The following GSTZ1 variants were observed in gnomAD, a reference collection of about 807,000 sequenced individuals.
The protein encoded by GSTZ1 is glutathione S-transferase zeta 1, also known as maleylacetoacetate isomerase.
A neutral mutation model predicts 35.9 loss-of-function variants in GSTZ1; 34 were observed. That is an observed-to-expected ratio of 0.95 (90% CI 0.72 to 1.26). GSTZ1 has a LOEUF of 1.26. Among genes scored for constraint, GSTZ1 ranks in the 50% most tolerant of loss-of-function variants. The pLI is 0.00. For synonymous variants in GSTZ1, 93 were observed against 101.2 expected (o/e 0.92, Z 0.49); for missense variants, 263 against 271.7 (o/e 0.97, Z 0.23).
rs763877231 is a variant in GSTZ1, at chr14:77,328,023, A to G, written c.328A>G (p.Ile110Val). ...RMISDLIAGG[I>V]QPLQNLSVLK... ...GATTTCTGACCTCATCGCTGGTGGC[A>G]TCCAGCCCCTGCAGGTGTGGCACTT... The change falls in exon 5 of 9, where the codon ATC (isoleucine) becomes GTC (valine). Residue 110 changes from isoleucine to valine, a missense_variant. Coordinates refer to ENST00000216465, the MANE Select transcript of GSTZ1 (RefSeq NM_145870.3). 7 of 1,613,824 alleles carry G rather than the reference A, an allele frequency of 4.3e-6. No individual in the cohort carries two copies. The highest frequency in any genetic ancestry group is 1.3e-5 in the African/African-American group (1 of 74,904).
intron 1 of GSTZ1, 117 bp from the exon 2 acceptor site, chr14:77,324,753 C>A: frequency 8.4e-7 from 1 of 1,197,066 alleles, no homozygotes; most frequent in Non-Finnish European, 1.2e-6. Context: ...CCCTGATTTG[C>A]ACAGATGCAG....
chr14:77,330,951 T>G (rs1364238485), intron 8 of GSTZ1, 118 bp from the exon 9 acceptor site: 3 of 931,134 alleles, frequency 3.2e-6, no homozygotes, highest in South Asian at 1.6e-5. Flanking sequence ...CCCATCGTCC[T>G]TCCCTGGACA....
At chr14:77,329,253 C>A in intron 6 of GSTZ1, 52 bp downstream of exon 6, 1 of 1,167,000 alleles carries the variant, frequency 8.6e-7, no homozygotes, top group Non-Finnish European at 1.3e-6. Context: ...AGAGGTATGG[C>A]CCTCGCACAC....
At position 77,321,043 on chromosome 14, in the gene GSTZ1, A is replaced by G. The variant is rs1476045029; in HGVS notation, c.-126A>G. 5 of 1,065,448 alleles carry G rather than the reference A, an allele frequency of 4.7e-6. No homozygotes were observed. The highest frequency in any genetic ancestry group is 6.6e-6 in the Non-Finnish European group (5 of 760,922). 66.0% of individuals were successfully genotyped at this position (1,065,448 alleles called of 1,614,324 possible). On this transcript the variant is annotated 5_prime_UTR_variant, in exon 1 of 9. Transcript: ENST00000216465. ...GCGACCGGAAGGATCTTTCTAGTCC[A>G]GCCCCTCGCTTTACCCGGACGAAAG... is the stretch of plus-strand genomic sequence containing the variant.
rs3087524 is a variant in GSTZ1, at chr14:77,321,146, G to A, written c.-23G>A. Reference sequence around the variant, plus strand: ...AGGCGCGAAGTTTCTCGGCCTGGAGGAGGGGGTCGCGCGAAGTGCCAGATG... The same window carrying A: ...AGGCGCGAAGTTTCTCGGCCTGGAGAAGGGGGTCGCGCGAAGTGCCAGATG... On this transcript the variant is annotated 5_prime_UTR_variant, in exon 1 of 9. Transcript: ENST00000216465. 1,171 of 1,454,268 alleles carry A rather than the reference G, an allele frequency of 8.1e-4. No individual in the cohort carries two copies. Among genetic ancestry groups the A allele is most frequent in the Middle Eastern group, 3.2e-3 (15 of 4,694 alleles). 90.1% of individuals were successfully genotyped at this position (1,454,268 alleles called of 1,614,324 possible). A position where few individuals can be genotyped will look rare whatever the true frequency, so the allele number is the denominator to read the frequency against.
intron 1 of GSTZ1, chr14:77,322,451 T>C: frequency 4.0e-6 from 1 of 248,594 alleles, no homozygotes; most frequent in Non-Finnish European, 6.4e-6. Context: ...TGGTCACTCG[T>C]AGTACAGATC....
At chr14:77,321,347 G>T in intron 1 of GSTZ1, 164 bp downstream of exon 1, 1 of 1,533,154 alleles carries the variant, frequency 6.5e-7, no homozygotes. Context: ...CGCGCTGCCC[G>T]CTGGGGCTCG....
chr14:77,325,655 C>T (rs909138378), intron 2 of GSTZ1: 4 of 152,034 alleles, frequency 2.6e-5, no homozygotes, highest in African/African-American at 9.7e-5. Context: ...AGTTACTTGC[C>T]CAGGGCCACA....
Position 77,328,282 on chromosome 14 carries a change from G to A in GSTZ1, c.342+245G>A, listed in dbSNP as rs994794031. 1.7e-5 allele frequency: 9 copies of A among 515,004 alleles called. No homozygotes were observed. The Admixed American group carries it at 2.7e-4, about 15-fold the overall frequency. The allele number at this position is 515,004 out of a possible 1,614,324, so 31.9% of individuals were successfully genotyped here. On this transcript the variant is annotated intron_variant, in intron 5 of 8. Transcript: ENST00000216465. ...CAAGGACGCATGTACAGGTGCTTGG[G>A]GTGGGGAAAGGGCCAGAATGGCAGG... is the stretch of plus-strand genomic sequence containing the variant.
rs2139568651 is a variant in GSTZ1 at position 77,324,853 on chromosome 14, A to G, written c.16-17A>G. On this transcript the variant is annotated splice_polypyrimidine_tract_variant and intron_variant, in intron 1 of 8. Coordinates refer to ENST00000216465, the MANE Select transcript of GSTZ1 (RefSeq NM_145870.3). Reference sequence around the variant, plus strand: ...CCAGCATGGGTTAACACGCGCCTTCATCCTCTCTCTCCTCAGCCCATCCTC... The same window carrying G: ...CCAGCATGGGTTAACACGCGCCTTCGTCCTCTCTCTCCTCAGCCCATCCTC... 1 of 1,613,642 alleles carries G rather than the reference A, an allele frequency of 6.2e-7. No individual in the cohort carries two copies. Among genetic ancestry groups the G allele is most frequent in the Non-Finnish European group, 8.5e-7 (1 of 1,179,544 alleles).
chr14:77,321,360 G>A (rs999819116), intron 1 of GSTZ1, 177 bp downstream of exon 1: 98 of 1,532,156 alleles, frequency 6.4e-5, no homozygotes, highest in Non-Finnish European at 8.0e-5. Flanking sequence ...GGGGCTCGAA[G>A]TTCCGGGAGG....
At chr14:77,324,419 T>A in intron 1 of GSTZ1, 1 of 639,162 alleles carries the variant, frequency 1.6e-6, no homozygotes, top group Admixed American at 2.3e-5. Flanking sequence ...GTGCTGGGAT[T>A]ACAGGCGTGA....
At chr14:77,323,412 T>A (rs779061864) in intron 1 of GSTZ1, 4 of 152,178 alleles carry the variant, frequency 2.6e-5, no homozygotes, top group Non-Finnish European at 5.9e-5. Flanking sequence ...AGTGACACGA[T>A]CTTGGCTCAC....
At chr14:77,321,599 C>T (rs987335175) in intron 1 of GSTZ1, 11 of 1,119,202 alleles carry the variant, frequency 9.8e-6, no homozygotes, top group Non-Finnish European at 1.1e-5. Flanking sequence ...TTAAGAGTCC[C>T]CGGGCCGGGC....
chr14:77,329,806 A>C lies in GSTZ1; in HGVS notation c.473A>C (p.Glu158Ala), dbSNP rs768072763. 1.2e-6 allele frequency: 2 copies of C among 1,612,550 alleles called. No individual in the cohort carries two copies. The highest frequency in any genetic ancestry group is 1.7e-6 in the Non-Finnish European group (2 of 1,178,698). The change falls in exon 7 of 9, where the codon GAG becomes GCG. Residue 158 changes from glutamate (E) to alanine (A), a missense_variant and splice_region_variant. Glu to Ala is a moderately radical substitution (Grantham distance 107). Transcript: ENST00000216465. ...GCGGGCATATACTGTGTAGGAGACG[A>C]GGTAAGCTGTCCCCAGACCTCCCCA... ...STAGIYCVGD[E>A]VTMADLCLVP... is the part of the protein sequence containing the mutation.
chr14:77,329,441 C>T, intron 6 of GSTZ1: 2 of 597,172 alleles, frequency 3.3e-6, no homozygotes, highest in South Asian at 2.0e-5. Context: ...CCAACTTCAG[C>T]TTCACTGCCT....
intron 1 of GSTZ1, 191 bp from the exon 2 acceptor site, chr14:77,324,679 G>T: frequency 7.6e-7 from 1 of 1,311,168 alleles, no homozygotes. Flanking sequence ...GACCTCAGGA[G>T]CTCAAACCAG....
At chr14:77,330,448 G>C (rs577834389) in intron 8 of GSTZ1, 89 bp downstream of exon 8, 2 of 1,087,418 alleles carry the variant, frequency 1.8e-6, no homozygotes, top group African/African-American at 3.1e-5. Context: ...TCATGCAGAC[G>C]CTTCGCCAAC....
chr14:77,324,852 C>A lies in GSTZ1; in HGVS notation c.16-18C>A, dbSNP rs1892231716. The A allele has an allele frequency of 6.2e-7, 1 of 1,613,394 alleles. No homozygotes were observed. Among genetic ancestry groups the A allele is most frequent in the African/African-American group, 1.3e-5 (1 of 74,940 alleles). On this transcript the variant is annotated intron_variant, in intron 1 of 8. Coordinates refer to ENST00000216465, the MANE Select transcript of GSTZ1 (RefSeq NM_145870.3). ...CCCAGCATGGGTTAACACGCGCCTT[C>A]ATCCTCTCTCTCCTCAGCCCATCCT...
Sources: gnomAD v4.1 joint callset for allele counts on GRCh38, gnomAD v4.1.1 for gene constraint, MANE v1.5 for transcripts, NCBI Gene and HGNC (gene_info 2026-07-23, HGNC 2026-07-21) for gene names.